Variants in SLIT2 observed in about 807,000 individuals in gnomAD.
SLIT2 encodes the protein slit homolog 2 protein.
In SLIT2, 41 loss-of-function variants were observed where a neutral mutation model predicts 185.7. The observed-to-expected ratio is 0.22, with a 90% CI of 0.17 to 0.29. The LOEUF is 0.29. Among genes scored for constraint, SLIT2 ranks in the 10% least tolerant of loss-of-function variants. The probability of loss-of-function intolerance (pLI) is 1.00; values close to 1 mark genes in which losing one functional copy is unlikely to be tolerated. For synonymous variants in SLIT2, 693 were observed against 680.2 expected (o/e 1.02, Z -0.29); for missense variants, 1,571 against 1,909.0 (o/e 0.82, Z 3.30).
intron 4 of SLIT2, among the ~76,000 whole-genome samples, chr4:20,445,030 A>G (rs1158027880): frequency 6.6e-6 from 1 of 152,166 alleles, no homozygotes; most frequent in Non-Finnish European, 1.5e-5. Flanking sequence ...TCATGCATCA[A>G]ATGGAGCCGC....
chr4:20,424,111 C>T (rs528148407), intron 4 of SLIT2, among the ~76,000 whole-genome samples: 8 of 152,220 alleles, frequency 5.3e-5, no homozygotes, highest in East Asian at 3.9e-4. Flanking sequence ...ATAGAACATA[C>T]GTGGAACTAA....
At chr4:20,303,633 C>T (rs1014042815) in intron 4 of SLIT2, among the ~76,000 whole-genome samples, 1 of 152,160 alleles carries the variant, frequency 6.6e-6, no homozygotes, top group Non-Finnish European at 1.5e-5. Context: ...CCACGCTCCA[C>T]TGAATGGATA....
At chr4:20,487,880 T>C (rs1717399046) in intron 7 of SLIT2, among the ~76,000 whole-genome samples, 1 of 152,190 alleles carries the variant, frequency 6.6e-6, no homozygotes, top group Non-Finnish European at 1.5e-5. Flanking sequence ...TGGACTGAGT[T>C]CCATGTTTTA....
chr4:20,589,485 T>C (rs1727330336), intron 29 of SLIT2, among the ~76,000 whole-genome samples, 159 bp from the exon 30 acceptor site: 1 of 152,208 alleles, frequency 6.6e-6, no homozygotes, highest in African/African-American at 2.4e-5. Flanking sequence ...ATGGACCACC[T>C]GGTTCCATGC....
At chr4:20,304,478 T>C (rs1717350795) in intron 4 of SLIT2, among the ~76,000 whole-genome samples, 1 of 152,116 alleles carries the variant, frequency 6.6e-6, no homozygotes, top group African/African-American at 2.4e-5. Context: ...TGTAGTGCCT[T>C]TCCTTGAATC....
intron 4 of SLIT2, among the ~76,000 whole-genome samples, chr4:20,436,135 G>A (rs1484063003): frequency 1.3e-5 from 2 of 152,194 alleles, no homozygotes; most frequent in Non-Finnish European, 2.9e-5. Flanking sequence ...TCCAGATGTT[G>A]TAAGACTTCA....
At chr4:20,485,602 T>TA (rs983488394) in intron 6 of SLIT2, among the ~76,000 whole-genome samples, 10 of 152,290 alleles carry the variant, frequency 6.6e-5, no homozygotes, top group Admixed American at 6.5e-4. Flanking sequence ...ATTAATCTTT[T>TA]AACACGGTGC....
chr4:20,475,528 T>C (rs750926017), intron 5 of SLIT2, among the ~76,000 whole-genome samples: 3 of 152,040 alleles, frequency 2.0e-5, no homozygotes, highest in Non-Finnish European at 2.9e-5. Flanking sequence ...TACATCTACA[T>C]TCCAATGAAA....
intron 4 of SLIT2, among the ~76,000 whole-genome samples, chr4:20,338,897 G>C (rs943120505): frequency 6.6e-6 from 1 of 151,800 alleles, no homozygotes; most frequent in African/African-American, 2.4e-5. Flanking sequence ...TTTGAGATCA[G>C]CCTGGGAAAC....
At chr4:20,495,686 T>G (rs1001496136) in intron 9 of SLIT2, among the ~76,000 whole-genome samples, 2 of 152,128 alleles carry the variant, frequency 1.3e-5, no homozygotes, top group African/African-American at 4.8e-5. Flanking sequence ...ATTAAATTTA[T>G]GAGGAGAGAT....
rs573613294 is a variant in SLIT2, at chr4:20,383,302, G to A, written c.396-84450G>A. ...ACAAAATAAAAGCCACAGACTAGGA[G>A]GAAGTATTTTAAAAATACATATCTG... On this transcript the variant is annotated intron_variant, in intron 4 of 36. Transcript: ENST00000504154. Among the ~76,000 whole-genome samples the A allele has an allele frequency of 5.8e-4, 88 of 152,200 alleles. No individual in the cohort carries two copies. In the South Asian group the frequency reaches 0.014, roughly 25 times the overall value.
chr4:20,404,892 T>G (rs529577898), intron 4 of SLIT2, among the ~76,000 whole-genome samples: 1 of 151,994 alleles, frequency 6.6e-6, no homozygotes, highest in African/African-American at 2.4e-5. Flanking sequence ...AGAAATAGCA[T>G]TTAAAGGGTC....
chr4:20,436,790 G>C lies in SLIT2; in HGVS notation c.396-30962G>C, dbSNP rs188632222. On this transcript the variant is annotated intron_variant, in intron 4 of 36. Transcript: ENST00000504154. Reference sequence around the variant, plus strand: ...GCCTGCAAAGCCTAGCATATTTACTGTCTGGCCCTTTTCAGAAAAACTTTG... The same window carrying C: ...GCCTGCAAAGCCTAGCATATTTACTCTCTGGCCCTTTTCAGAAAAACTTTG... Among the ~76,000 whole-genome samples, 7 of 152,288 alleles carry C rather than the reference G, an allele frequency of 4.6e-5. No individual in the cohort carries two copies. In the East Asian group the frequency reaches 1.4e-3, roughly 30 times the overall value.
chr4:20,341,527 A>T (rs1398309270), intron 4 of SLIT2, among the ~76,000 whole-genome samples: 1 of 152,212 alleles, frequency 6.6e-6, no homozygotes, highest in Admixed American at 6.5e-5. Context: ...TTCCACACGA[A>T]CCAGGAGCAG....
At chr4:20,567,415 T>A in intron 27 of SLIT2, 29 bp downstream of exon 27, 1 of 1,612,958 alleles carries the variant, frequency 6.2e-7, no homozygotes, top group African/African-American at 1.3e-5. Context: ...AGAGTCACAG[T>A]TTGAGAGCAT....
intron 4 of SLIT2, among the ~76,000 whole-genome samples, chr4:20,449,233 C>T (rs754918377): frequency 1.3e-5 from 2 of 151,978 alleles, no homozygotes; most frequent in Non-Finnish European, 2.9e-5. Flanking sequence ...TATTTGGAAA[C>T]TTAGTTTCAT....
chr4:20,374,793 C>T (rs1003224545), intron 4 of SLIT2, among the ~76,000 whole-genome samples: 7 of 152,022 alleles, frequency 4.6e-5, no homozygotes, highest in Non-Finnish European at 1.0e-4. Flanking sequence ...TAATAATACT[C>T]TGAAGAAATT....
At chr4:20,357,566 T>G (rs1421380069) in intron 4 of SLIT2, among the ~76,000 whole-genome samples, 1 of 152,124 alleles carries the variant, frequency 6.6e-6, no homozygotes, top group Non-Finnish European at 1.5e-5. Flanking sequence ...CATTACTAGT[T>G]TTAAAAGAAA....
intron 8 of SLIT2, 150 bp from the exon 9 acceptor site, chr4:20,491,611 A>G (rs996532888): frequency 1.7e-6 from 1 of 584,080 alleles, no homozygotes; most frequent in Non-Finnish European, 2.8e-6. Flanking sequence ...GCCTCCTAAA[A>G]TATATTTTAG....
Sources: allele counts gnomAD v4.1 joint callset (sites outside exome capture counted in the v4.1 genomes callset), GRCh38; gene constraint gnomAD v4.1.1; transcripts MANE v1.5; gene names NCBI Gene and HGNC (gene_info 2026-07-23, HGNC 2026-07-21).